KRTAP4-7: variants seen among roughly 807,000 people sequenced by gnomAD.
KRTAP4-7 encodes keratin associated protein 4-7.
A neutral mutation model predicts 3.0 loss-of-function variants in KRTAP4-7; 1 was observed. The ratio of observed to expected loss-of-function variants is 0.33; its 90% CI spans 0.12 to 1.57. The LOEUF is 1.57. KRTAP4-7 is among the 40% of genes most tolerant of loss of function. KRTAP4-7 has a pLI of 0.37. For missense variants in KRTAP4-7, 199 were observed against 209.1 expected (o/e 0.95, Z 0.30); for synonymous variants, 70 against 74.6 (o/e 0.94, Z 0.32).
At chr17:41,085,029 A>G in exon 1 of KRTAP4-7, 1 of 375,366 alleles carries the variant, frequency 2.7e-6, no homozygotes, top group East Asian at 5.2e-5. Context: ...CAGTTTTGTC[A>G]CTGATGTTGC....
rs774443095 is a variant in KRTAP4-7, at chr17:41,084,251, C to T, written c.45C>T (p.Cys15=). The change falls in exon 1 of 1, where the codon TGC becomes TGT. Residue 15 remains cysteine (C), a synonymous_variant. Transcript: ENST00000391417. ...GCTCCGTGTGCTCTGACCAGGGCTG[C>T]AGCCAAGACCTCTGTCAGGAGACCT... The T allele has an allele frequency of 5.5e-5, 88 of 1,613,346 alleles. No individual in the cohort carries two copies. The African/African-American group carries it at 1.0e-3, about 19-fold the overall frequency.
chr17:41,084,171 T>A lies in KRTAP4-7; in HGVS notation c.-36T>A, dbSNP rs1462617941. ...TTCCAAACCCAAGAACTTCACTCTC[T>A]TGGAAACCCACCCAGATCCTCCCCG... is the stretch of plus-strand genomic sequence containing the variant. On this transcript the variant is annotated 5_prime_UTR_variant, in exon 1 of 1. The change creates a new upstream start codon in the 5' untranslated region. Transcript: ENST00000391417. The A allele has an allele frequency of 6.3e-7, 1 of 1,578,130 alleles. No individual in the cohort carries two copies. The highest frequency in any genetic ancestry group is 1.3e-5 in the African/African-American group (1 of 74,614).
exon 1 of KRTAP4-7, chr17:41,084,675 G>A: frequency 7.6e-6 from 12 of 1,587,218 alleles, no homozygotes; most frequent in Non-Finnish European, 1.0e-5. Flanking sequence ...TTGCTGCTGA[G>A]CCCACTGCCC....
exon 1 of KRTAP4-7, chr17:41,084,638 T>C (rs961564233): frequency 1.8e-5 from 28 of 1,599,728 alleles, no homozygotes; most frequent in East Asian, 1.1e-4. Flanking sequence ...TCTCCACCTG[T>C]CCCCGCCCCT....
chr17:41,085,041 C>A, exon 1 of KRTAP4-7: 1 of 339,692 alleles, frequency 2.9e-6, no homozygotes, highest in South Asian at 6.4e-5. Context: ...TGATGTTGCA[C>A]CCTCAGATCC....
chr17:41,084,151 A>G, exon 1 of KRTAP4-7: 1 of 1,544,810 alleles, frequency 6.5e-7, no homozygotes, highest in Non-Finnish European at 8.7e-7. Flanking sequence ...AAGACTTCCA[A>G]ACCCAAGAAC....
exon 1 of KRTAP4-7, chr17:41,084,439 G>T (rs776071282): frequency 7.1e-7 from 1 of 1,408,904 alleles, no homozygotes; most frequent in South Asian, 1.3e-5. Context: ...TGCCACCCTA[G>T]GTGCTGCATC....
At position 41,084,421 on chromosome 17, in the gene KRTAP4-7, C is replaced by T. The variant is rs755815256; in HGVS notation, c.215C>T (p.Thr72Met). ...TGCTGTCGCCCCACCTGCTGTGAGA[C>T]GACCTGCTGCCACCCTAGGTGCTGC... The change falls in exon 1 of 1, where the codon ACG becomes ATG. Residue 72 changes from threonine to methionine, a missense_variant. By Grantham distance (81) the Thr-to-Met change is moderately conservative. Coordinates refer to ENST00000391417, the Ensembl canonical transcript of KRTAP4-7. 2.5e-5 allele frequency: 36 copies of T among 1,422,970 alleles called. No individual in the cohort carries two copies. The Middle Eastern group carries it at 5.7e-4, about 23-fold the overall frequency. 88.1% of individuals were successfully genotyped at this position (1,422,970 alleles called of 1,614,324 possible).
chr17:41,084,926 A>C (rs1181145018), exon 1 of KRTAP4-7: 6 of 619,890 alleles, frequency 9.7e-6, no homozygotes, highest in Non-Finnish European at 1.4e-5. Flanking sequence ...ACACTAGCTA[A>C]GAAATTATTC....
Position 41,084,291 on chromosome 17 carries a change from T to G in KRTAP4-7, c.85T>G (p.Cys29Gly), listed in dbSNP as rs777376848. 1.5e-5 allele frequency: 24 copies of G among 1,613,830 alleles called. No homozygotes were observed. The East Asian group carries it at 5.1e-4, about 34-fold the overall frequency. The change falls in exon 1 of 1, where the codon TGC becomes GGC. Residue 29 changes from cysteine (C) to glycine (G), a missense_variant. Cys to Gly is a radical substitution (Grantham distance 159). Coordinates refer to ENST00000391417, the Ensembl canonical transcript of KRTAP4-7. ...TCAGGAGACCTGCTGCCGCCCCAGC[T>G]GCTGTCAGACCACCTGTTGCAGGAC...
At chr17:41,084,300 A>G in exon 1 of KRTAP4-7, 1 of 1,613,008 alleles carries the variant, frequency 6.2e-7, no homozygotes, top group Non-Finnish European at 8.5e-7. Flanking sequence ...CTGCTGTCAG[A>G]CCACCTGTTG....
At chr17:41,084,911 G>A (rs2013623556) in exon 1 of KRTAP4-7, 2 of 642,268 alleles carry the variant, frequency 3.1e-6, no homozygotes, top group Non-Finnish European at 5.4e-6. Flanking sequence ...GAATTAATTT[G>A]TAATACACTA....
At chr17:41,084,484 G>C (rs751735209) in exon 1 of KRTAP4-7, 1 of 1,508,914 alleles carries the variant, frequency 6.6e-7, no homozygotes, top group Non-Finnish European at 9.0e-7. Flanking sequence ...TGTATGTCCA[G>C]CTGCTGCAAG....
At chr17:41,084,202 A>C in exon 1 of KRTAP4-7, 1 of 1,600,954 alleles carries the variant, frequency 6.2e-7, no homozygotes, top group African/African-American at 1.3e-5. Flanking sequence ...CCCCGTTCTG[A>C]CACCATGGTC....
exon 1 of KRTAP4-7, chr17:41,084,511 C>G: frequency 6.4e-7 from 1 of 1,571,762 alleles, no homozygotes; most frequent in Non-Finnish European, 8.7e-7. Flanking sequence ...TGCTGCCAGT[C>G]TGTGTGCTGC....
chr17:41,084,376 C>A (rs2013600981), exon 1 of KRTAP4-7: 1 of 1,427,322 alleles, frequency 7.0e-7, no homozygotes, highest in Admixed American at 1.9e-5. Flanking sequence ...TGCTGCCAGT[C>A]TGTGTGCTGC....
At chr17:41,084,790 C>G (rs1248411506) in exon 1 of KRTAP4-7, 6 of 1,418,776 alleles carry the variant, frequency 4.2e-6, no homozygotes, top group Non-Finnish European at 5.6e-6. Context: ...TAGGATGGAC[C>G]TTATGCTTCC....
At chr17:41,084,229 C>T in exon 1 of KRTAP4-7, 5 of 1,610,266 alleles carry the variant, frequency 3.1e-6, no homozygotes, top group Non-Finnish European at 4.2e-6. Context: ...TGTTGTGGCT[C>T]CGTGTGCTCT....
In KRTAP4-7 at chr17:41,084,689, C is replaced by T. The variant is rs779830987; in HGVS notation, c.*15C>T. 4.5e-6 allele frequency: 7 copies of T among 1,572,302 alleles called. No individual in the cohort carries two copies. The East Asian group carries it at 1.2e-4, about 26-fold the overall frequency. On this transcript the variant is annotated 3_prime_UTR_variant, in exon 1 of 1. Transcript: ENST00000391417. ...CTTGCTGCTGAGCCCACTGCCCTGG[C>T]TCACGTCCCCCTTCACCACTGGCCC...
Sources: allele counts gnomAD v4.1 joint callset, GRCh38; gene constraint gnomAD v4.1.1; transcripts MANE v1.5; gene names NCBI Gene and HGNC (gene_info 2026-07-23, HGNC 2026-07-21).